Variants in PALM2AKAP2 observed in about 807,000 individuals in gnomAD.
PALM2AKAP2 encodes PALM2 and AKAP2 fusion.
A neutral mutation model predicts 71.5 loss-of-function variants in PALM2AKAP2; 37 were observed. The observed-to-expected ratio is 0.52, with a 90% CI of 0.40 to 0.68. The LOEUF is 0.68. Ranked by LOEUF, PALM2AKAP2 falls within the 30% of genes least tolerant of loss-of-function variation. The pLI is 0.00. For missense variants in PALM2AKAP2, 1,224 were observed against 1,191.8 expected (o/e 1.03, Z -0.40); for synonymous variants, 468 against 478.8 (o/e 0.98, Z 0.29).
intron 3 of PALM2AKAP2, among the ~76,000 whole-genome samples, chr9:109,896,776 A>G (rs531842901): frequency 7.8e-4 from 118 of 152,218 alleles, no homozygotes; most frequent in Non-Finnish European, 1.3e-3. Context: ...ATGCCAGTGC[A>G]CTCCAGCCTG....
chr9:109,948,790 G>A (rs1235334529), intron 6 of PALM2AKAP2, among the ~76,000 whole-genome samples: 1 of 152,142 alleles, frequency 6.6e-6, no homozygotes, highest in African/African-American at 2.4e-5. Flanking sequence ...GAATTACAGG[G>A]TGGCTTTCTT....
intron 1 of PALM2AKAP2, among the ~76,000 whole-genome samples, chr9:109,718,266 G>A (rs1828357046): frequency 6.6e-6 from 1 of 152,028 alleles, no homozygotes; most frequent in African/African-American, 2.4e-5. Context: ...TATTTGTAGA[G>A]ATGGGGTTTT....
At chr9:109,952,506 G>A (rs1409374976) in intron 6 of PALM2AKAP2, among the ~76,000 whole-genome samples, 1 of 152,204 alleles carries the variant, frequency 6.6e-6, no homozygotes, top group Non-Finnish European at 1.5e-5. Flanking sequence ...AATATGAGTG[G>A]TGTTTTATAG....
intron 7 of PALM2AKAP2, among the ~76,000 whole-genome samples, chr9:110,034,207 G>C (rs573513090): frequency 5.4e-4 from 82 of 152,272 alleles, no homozygotes; most frequent in Non-Finnish European, 9.7e-4. Context: ...GCCCAGGCTG[G>C]AGTGCAACGG....
chr9:109,693,861 A>C (rs150152113), intron 1 of PALM2AKAP2, among the ~76,000 whole-genome samples: 100 of 152,072 alleles, frequency 6.6e-4, no homozygotes, highest in African/African-American at 2.3e-3. Context: ...TGTCTTCGTA[A>C]ATGTTTCATG....
intron 1 of PALM2AKAP2, among the ~76,000 whole-genome samples, chr9:109,822,519 C>T (rs1256957067): frequency 6.6e-6 from 1 of 152,148 alleles, no homozygotes; most frequent in Non-Finnish European, 1.5e-5. Context: ...GGACCTCACC[C>T]TTTTCCCACC....
intron 1 of PALM2AKAP2, among the ~76,000 whole-genome samples, chr9:109,649,806 A>T (rs1769323686): frequency 6.6e-6 from 1 of 152,192 alleles, no homozygotes. Context: ...TGTCTCATAA[A>T]AAATTCTTAC....
At chr9:109,768,842 A>G (rs1029913422) in intron 1 of PALM2AKAP2, among the ~76,000 whole-genome samples, 2 of 152,254 alleles carry the variant, frequency 1.3e-5, no homozygotes, top group Non-Finnish European at 2.9e-5. Context: ...AAAATAGACC[A>G]GGCAAGGTGG....
intron 1 of PALM2AKAP2, among the ~76,000 whole-genome samples, chr9:110,099,092 A>C (rs2118855926): frequency 6.6e-6 from 1 of 152,222 alleles, no homozygotes; most frequent in East Asian, 1.9e-4. Flanking sequence ...CACTACCAAA[A>C]ACTAATAACA....
At chr9:110,021,357 T>C (rs370670000) in intron 7 of PALM2AKAP2, among the ~76,000 whole-genome samples, 1 of 152,184 alleles carries the variant, frequency 6.6e-6, no homozygotes, top group South Asian at 2.1e-4. Flanking sequence ...GCAGCCCTCC[T>C]GACACCTTGA....
At chr9:109,732,612 G>A (rs1828573479) in intron 1 of PALM2AKAP2, among the ~76,000 whole-genome samples, 1 of 152,186 alleles carries the variant, frequency 6.6e-6, no homozygotes, top group African/African-American at 2.4e-5. Context: ...GATGAACAAG[G>A]CAGACAAAGA....
At chr9:110,113,528 CTT>C (rs58325766) in intron 1 of PALM2AKAP2, among the ~76,000 whole-genome samples, 317 of 141,856 alleles carry the variant, frequency 2.2e-3, no homozygotes, top group Non-Finnish European at 3.1e-3. Flanking sequence ...TGCACCTGGA[CTT>C]TTTTTTTTTT....
chr9:109,920,966 TCTTTA>T (rs1830815854), intron 3 of PALM2AKAP2, among the ~76,000 whole-genome samples: 2 of 152,304 alleles, frequency 1.3e-5, no homozygotes, highest in South Asian at 4.1e-4. Context: ...CACTCATGTC[TCTTTA>T]CTTACTCCCC....
intron 1 of PALM2AKAP2, among the ~76,000 whole-genome samples, chr9:110,121,613 T>C (rs1287664709): frequency 6.6e-6 from 1 of 152,234 alleles, no homozygotes; most frequent in Non-Finnish European, 1.5e-5. Context: ...CATTCCTTCC[T>C]GACCCCTTCA....
chr9:109,690,369 TTCTC>T (rs1185178609), intron 1 of PALM2AKAP2, among the ~76,000 whole-genome samples: 2 of 152,318 alleles, frequency 1.3e-5, no homozygotes, highest in East Asian at 3.9e-4. Flanking sequence ...AGGTTGAGAA[TTCTC>T]TCTTTTTCTG....
intron 2 of PALM2AKAP2, among the ~76,000 whole-genome samples, chr9:110,145,312 A>G (rs1836136900): frequency 6.6e-6 from 1 of 152,200 alleles, no homozygotes; most frequent in African/African-American, 2.4e-5. Context: ...ATCTGAGCGG[A>G]TAGCCAAGGG....
At chr9:109,776,171 GT>G (rs1829346154), upstream of PALM2AKAP2, among the ~76,000 whole-genome samples, 1 of 152,182 alleles carries the variant, frequency 6.6e-6, no homozygotes, top group South Asian at 2.1e-4. Flanking sequence ...TATACAATAT[GT>G]TTATTAAATA....
At chr9:109,668,243 G>A (rs1188132289) in intron 1 of PALM2AKAP2, among the ~76,000 whole-genome samples, 1 of 152,070 alleles carries the variant, frequency 6.6e-6, no homozygotes, top group Admixed American at 6.5e-5. Flanking sequence ...GCCGGCTTTG[G>A]TTTTAAAGTA....
rs1004694106 is a variant in PALM2AKAP2, at chr9:109,902,740, A to G, written c.258-20995A>G. Among the ~76,000 whole-genome samples, 4 of 152,202 alleles carry G rather than the reference A, an allele frequency of 2.6e-5. No homozygotes were observed. In the East Asian group the frequency reaches 7.7e-4, roughly 29 times the overall value. On this transcript the variant is annotated intron_variant, in intron 3 of 9. Transcript: ENST00000302798. ...TCTAACTGTCAGTTTCCAGACATTT[A>G]CTGTGCCCTTGGCCCTGCTTGGACT...
Sources: allele counts gnomAD v4.1 joint callset (sites outside exome capture counted in the v4.1 genomes callset), GRCh38; gene constraint gnomAD v4.1.1; transcripts MANE v1.5; gene names NCBI Gene and HGNC (gene_info 2026-07-23, HGNC 2026-07-21).